The following ASTN2 variants were observed in gnomAD, a reference collection of about 807,000 sequenced individuals.
The protein encoded by ASTN2 is astrotactin 2.
Under a neutral mutation model 139.8 loss-of-function variants are expected in ASTN2, and 54 were observed. The ratio of observed to expected loss-of-function variants is 0.39; its 90% CI spans 0.31 to 0.48. ASTN2 has a LOEUF of 0.48. Ranked by LOEUF, ASTN2 falls within the 20% of genes least tolerant of loss-of-function variation. The probability of loss-of-function intolerance (pLI) is 0.95; values close to 1 mark genes in which losing one functional copy is unlikely to be tolerated. For missense variants in ASTN2, 1,565 were observed against 1,725.1 expected, an observed-to-expected ratio of 0.91 and a Z score of 1.64; for synonymous variants, 756 against 719.5, an observed-to-expected ratio of 1.05 and a Z score of -0.81.
At chr9:117,055,045 C>T (rs1054726646) in intron 5 of ASTN2, among the ~76,000 whole-genome samples, 11 of 152,154 alleles carry the variant, frequency 7.2e-5, no homozygotes, top group Admixed American at 5.9e-4. Context: ...CTGTATTGCT[C>T]ACTTGCCCAC....
intron 1 of ASTN2, among the ~76,000 whole-genome samples, chr9:117,391,934 T>G (rs1195865604): frequency 6.6e-6 from 1 of 152,144 alleles, no homozygotes; most frequent in African/African-American, 2.4e-5. Flanking sequence ...TCCGGCAGAA[T>G]AGTCAAATCT....
chr9:116,851,465 G>T (rs1292291889), intron 11 of ASTN2, among the ~76,000 whole-genome samples: 1 of 135,172 alleles, frequency 7.4e-6, no homozygotes, highest in Non-Finnish European at 1.6e-5. Flanking sequence ...CAGTAAAATT[G>T]CTAAACATCT....
At chr9:116,949,943 G>A (rs1053750330) in intron 10 of ASTN2, among the ~76,000 whole-genome samples, 2 of 151,970 alleles carry the variant, frequency 1.3e-5, no homozygotes, top group African/African-American at 4.8e-5. Flanking sequence ...TCTAGCATAT[G>A]GAAAATGTTC....
chr9:116,889,456 C>T (rs190295725), intron 10 of ASTN2, among the ~76,000 whole-genome samples: 6 of 152,162 alleles, frequency 3.9e-5, no homozygotes, highest in South Asian at 4.2e-4. Context: ...CCCTGGCTTC[C>T]GGGTCCATCT....
chr9:116,706,755 C>G (rs1351364035), intron 16 of ASTN2, among the ~76,000 whole-genome samples: 1 of 135,192 alleles, frequency 7.4e-6, no homozygotes, highest in Non-Finnish European at 1.5e-5. Context: ...CTCTTGCTGG[C>G]TAGAATTTTT....
At chr9:116,565,388 C>CTCT (rs1564120372) in intron 19 of ASTN2, among the ~76,000 whole-genome samples, 411 of 33,736 alleles carry the variant, frequency 0.012, 6 homozygotes, top group Middle Eastern at 0.031. Flanking sequence ...TCTCTCTCTC[C>CTCT]ATATATATAT....
rs542049823 is a variant in ASTN2 at position 116,995,683 on chromosome 9, T to C, written c.1591+12409A>G. On this transcript the variant is annotated intron_variant, in intron 7 of 22. Coordinates refer to ENST00000313400, the MANE Select transcript of ASTN2 (RefSeq NM_001365068.1). The stretch of plus-strand genomic sequence containing the variant: ...AGGGTAAATTCTGAGGCCAGACTTC[T>C]AGGTTTCAAATCTAGACACCATCAC... Among the ~76,000 whole-genome samples the C allele has an allele frequency of 2.0e-5, 3 of 152,282 alleles. No individual in the cohort carries two copies. In the East Asian group the frequency reaches 5.8e-4, roughly 29 times the overall value.
intron 13 of ASTN2, among the ~76,000 whole-genome samples, chr9:116,743,222 C>T (rs1324751533): frequency 2.0e-5 from 3 of 151,948 alleles, no homozygotes; most frequent in East Asian, 1.9e-4. Context: ...TAAACGTTTA[C>T]CCTAGAGAAA....
At chr9:117,276,483 A>C (rs866513851) in intron 2 of ASTN2, among the ~76,000 whole-genome samples, 3 of 152,172 alleles carry the variant, frequency 2.0e-5, no homozygotes, top group South Asian at 4.1e-4. Context: ...CACACCATCT[A>C]AACAAAGCCT....
chr9:116,751,102 C>T (rs1829386455), intron 13 of ASTN2, among the ~76,000 whole-genome samples: 1 of 150,818 alleles, frequency 6.6e-6, no homozygotes, highest in Non-Finnish European at 1.5e-5. Context: ...ATACCTCTTA[C>T]TAGATGTGCT....
intron 19 of ASTN2, chr9:116,546,503 A>C (rs1006684941): frequency 6.6e-6 from 1 of 152,142 alleles, no homozygotes; most frequent in Non-Finnish European, 1.5e-5. Flanking sequence ...CCAGTTGAGT[A>C]ATGTATTGAG....
intron 7 of ASTN2, among the ~76,000 whole-genome samples, chr9:116,996,000 C>T (rs1837002585): frequency 6.6e-6 from 1 of 152,042 alleles, no homozygotes; most frequent in South Asian, 2.1e-4. Context: ...CCACCATGCC[C>T]AGCTAATTTT....
intron 1 of ASTN2, among the ~76,000 whole-genome samples, chr9:117,296,300 A>AAAG (rs1554716838): frequency 5.0e-5 from 6 of 120,972 alleles, no homozygotes; most frequent in African/African-American, 1.4e-4. Flanking sequence ...AAAAAAAAAA[A>AAAG]AAAGAAAGAA....
chr9:116,518,342 G>A (rs749723374), intron 19 of ASTN2, among the ~76,000 whole-genome samples: 3 of 152,056 alleles, frequency 2.0e-5, no homozygotes, highest in Non-Finnish European at 4.4e-5. Context: ...GAAGGGATTG[G>A]GGTCTTATTT....
chr9:117,339,755 G>A (rs1421093008), intron 1 of ASTN2, among the ~76,000 whole-genome samples: 1 of 151,878 alleles, frequency 6.6e-6, no homozygotes, highest in Admixed American at 6.6e-5. Context: ...GGTGAGGGGA[G>A]GAAGAAGGTG....
At chr9:116,907,010 T>TTCG (rs1834179203) in intron 10 of ASTN2, among the ~76,000 whole-genome samples, 5 of 152,216 alleles carry the variant, frequency 3.3e-5, no homozygotes, top group Admixed American at 6.5e-5. Context: ...GCAACTATAA[T>TTCG]GTAATCTTTA....
intron 16 of ASTN2, among the ~76,000 whole-genome samples, chr9:116,713,309 G>C (rs1402638324): frequency 6.6e-6 from 1 of 152,122 alleles, no homozygotes; most frequent in Admixed American, 6.6e-5. Context: ...GAACAGCAAG[G>C]AAGACCCTAA....
At chr9:116,923,728 A>G (rs150150581) in intron 10 of ASTN2, among the ~76,000 whole-genome samples, 13 of 152,304 alleles carry the variant, frequency 8.5e-5, no homozygotes, top group African/African-American at 3.1e-4. Flanking sequence ...TTCAACTTGG[A>G]ATCCTTAAAT....
intron 4 of ASTN2, among the ~76,000 whole-genome samples, chr9:117,105,357 T>C (rs1447248655): frequency 6.6e-6 from 1 of 152,134 alleles, no homozygotes; most frequent in African/African-American, 2.4e-5. Flanking sequence ...AGAAAGGCTA[T>C]GTGTAAGTGG....
Sources: gnomAD v4.1 joint callset for allele counts (sites outside exome capture counted in the v4.1 genomes callset) on GRCh38, gnomAD v4.1.1 for gene constraint, MANE v1.5 for transcripts, NCBI Gene and HGNC (gene_info 2026-07-23, HGNC 2026-07-21) for gene names.